Variants in KIRREL3 observed in about 807,000 individuals in gnomAD.
The protein encoded by KIRREL3 is kin of IRRE-like protein 3.
In KIRREL3, 36 loss-of-function variants were observed where a neutral mutation model predicts 89.7. The observed-to-expected ratio is 0.40, with a 90% CI of 0.31 to 0.53. The LOEUF (loss-of-function observed/expected upper bound fraction) is 0.53. Among genes scored for constraint, KIRREL3 ranks in the 20% least tolerant of loss-of-function variants. The pLI is 0.49. For synonymous variants in KIRREL3, 445 were observed against 441.4 expected (o/e 1.01, Z -0.10); for missense variants, 864 against 1,056.6 (o/e 0.82, Z 2.53).
In KIRREL3 at chr11:126,565,793, G is replaced by A. The variant is rs1364727030; in HGVS notation, c.56-2881C>T. 6.6e-6 allele frequency among the ~76,000 whole-genome samples: 1 copy of A among 152,156 alleles called. No individual in the cohort carries two copies. The highest frequency in any genetic ancestry group is 1.9e-4 in the East Asian group (1 of 5,192). ...GGATGCTGGAAACCCAAGTGGGGAG[G>A]TGAATATTGTCCAAGCTACTAACCA... is the stretch of plus-strand genomic sequence containing the variant. On this transcript the variant is annotated intron_variant, in intron 1 of 16. Coordinates refer to ENST00000525144, the MANE Select transcript of KIRREL3 (RefSeq NM_032531.4). This position sits in a 1 kb window ranked among gnomAD's most constrained non-coding sequence, Gnocchi z 5.4.
rs1479364649 is a variant in KIRREL3, at chr11:126,955,502, G to T, written c.55+44953C>A. On this transcript the variant is annotated intron_variant, in intron 1 of 16. Coordinates refer to ENST00000525144, the MANE Select transcript of KIRREL3 (RefSeq NM_032531.4). This position sits in a 1 kb window ranked among gnomAD's most constrained non-coding sequence, Gnocchi z 4.6. Reference sequence around the variant, plus strand: ...CCTTCCCTGCATGGCAAGGCACGAAGGTGGTCTGATGTGGATTCCAGGGTG... The same window carrying T: ...CCTTCCCTGCATGGCAAGGCACGAATGTGGTCTGATGTGGATTCCAGGGTG... 6.6e-6 allele frequency among the ~76,000 whole-genome samples: 1 copy of T among 152,190 alleles called. No individual in the cohort carries two copies. The highest frequency in any genetic ancestry group is 2.4e-5 in the African/African-American group (1 of 41,444).
intron 11 of KIRREL3, chr11:126,440,119 A>G: frequency 1.9e-6 from 1 of 539,504 alleles, no homozygotes; most frequent in East Asian, 4.1e-5. Flanking sequence ...ACTGGCCTGG[A>G]GCCCAGGAAG....
At chr11:126,542,676 AG>A (rs1938462941) in intron 2 of KIRREL3, among the ~76,000 whole-genome samples, 1 of 152,066 alleles carries the variant, frequency 6.6e-6, no homozygotes, top group Non-Finnish European at 1.5e-5. Flanking sequence ...CTAGGAAGGG[AG>A]GGGGATATTA....
chr11:126,496,936 TGGA>T lies in KIRREL3; in HGVS notation c.434-23473_434-23471del, dbSNP rs1039659214. On this transcript the variant is annotated intron_variant, in intron 4 of 16. Coordinates refer to ENST00000525144, the MANE Select transcript of KIRREL3 (RefSeq NM_032531.4). The surrounding 1 kb of genome is among the most constrained non-coding windows in gnomAD (Gnocchi z 4.9). ...AATGAGAGTGGGCAGAACTGAGCAATGGAGGAGGAGGCCCACCCTTGCTGTAGG... is the reference window on the plus strand; with the variant it reads ...AATGAGAGTGGGCAGAACTGAGCAATGGAGGAGGCCCACCCTTGCTGTAGG... 6.6e-6 allele frequency among the ~76,000 whole-genome samples: 1 copy of T among 151,972 alleles called. No individual in the cohort carries two copies. The highest frequency in any genetic ancestry group is 2.4e-5 in the African/African-American group (1 of 41,358).
In KIRREL3 at chr11:126,807,674, A is replaced by C. The variant is rs1951246298; in HGVS notation, c.55+192781T>G. Among the ~76,000 whole-genome samples the C allele has an allele frequency of 6.6e-6, 1 of 151,806 alleles. No homozygotes were observed. Among genetic ancestry groups the C allele is most frequent in the African/African-American group, 2.4e-5 (1 of 41,312 alleles). On this transcript the variant is annotated intron_variant, in intron 1 of 16. Transcript: ENST00000525144. This position sits in a 1 kb window ranked among gnomAD's most constrained non-coding sequence, Gnocchi z 4.3. ...TCCTGCCTGGAGTGCTTTTCCCCTTACCATTCACCTGGATTTTGAAAAATC... is the reference window on the plus strand; with the variant it reads ...TCCTGCCTGGAGTGCTTTTCCCCTTCCCATTCACCTGGATTTTGAAAAATC...
chr11:126,475,555 C>T lies in KIRREL3; in HGVS notation c.434-2089G>A, dbSNP rs150642144. Among the ~76,000 whole-genome samples, 18 of 150,072 alleles carry T rather than the reference C, an allele frequency of 1.2e-4. No individual in the cohort carries two copies. Among genetic ancestry groups the T allele is most frequent in the East Asian group, 9.9e-4 (5 of 5,038 alleles). On this transcript the variant is annotated intron_variant, in intron 4 of 16. Coordinates refer to ENST00000525144, the MANE Select transcript of KIRREL3 (RefSeq NM_032531.4). This position sits in a 1 kb window ranked among gnomAD's most constrained non-coding sequence, Gnocchi z 7.5. The stretch of plus-strand genomic sequence containing the variant: ...AAGCCATCACTGACCCCAGGGGCAG[C>T]GAGCCCCGGACTCCACCGAGATCCT...
In KIRREL3 at chr11:126,555,401, G is replaced by A. The variant is rs1174842471; in HGVS notation, c.133+7434C>T. On this transcript the variant is annotated intron_variant, in intron 2 of 16. Coordinates refer to ENST00000525144, the MANE Select transcript of KIRREL3 (RefSeq NM_032531.4). This position sits in a 1 kb window ranked among gnomAD's most constrained non-coding sequence, Gnocchi z 4.2. ...ATGTACAAACTGAACTCAGAGCTCT[G>A]AAAGGAAGGATCTGGTTCTACGGGA... is the stretch of plus-strand genomic sequence containing the variant. Among the ~76,000 whole-genome samples the A allele has an allele frequency of 1.3e-5, 2 of 152,226 alleles. No individual in the cohort carries two copies. The highest frequency in any genetic ancestry group is 1.5e-5 in the Non-Finnish European group (1 of 68,040).
chr11:126,556,622 T>A (rs1028591385), intron 2 of KIRREL3, among the ~76,000 whole-genome samples: 5 of 152,106 alleles, frequency 3.3e-5, no homozygotes, highest in Admixed American at 6.5e-5. Context: ...GAATGAAACC[T>A]TGTTTTGGTG....
chr11:126,957,224 T>G (rs1225564505), intron 1 of KIRREL3, among the ~76,000 whole-genome samples: 1 of 152,202 alleles, frequency 6.6e-6, no homozygotes. Context: ...CTTCTTCCTC[T>G]GACTCTCTGG....
In KIRREL3 at chr11:126,782,996, A is replaced by G. The variant is rs1282109721; in HGVS notation, c.55+217459T>C. On this transcript the variant is annotated intron_variant, in intron 1 of 16. Coordinates refer to ENST00000525144, the MANE Select transcript of KIRREL3 (RefSeq NM_032531.4). The surrounding 1 kb of genome is among the most constrained non-coding windows in gnomAD (Gnocchi z 4.1). ...GGAAATACACAAGATGAACTGGAGC[A>G]TCTTGTAGTGCCAGAAAATAAGGAA... Among the ~76,000 whole-genome samples, 3 of 152,224 alleles carry G rather than the reference A, an allele frequency of 2.0e-5. No individual in the cohort carries two copies. The highest frequency in any genetic ancestry group is 4.4e-5 in the Non-Finnish European group (3 of 68,034).
rs1428259844 is a variant in KIRREL3, at chr11:126,587,680, A to C, written c.56-24768T>G. ...ACTGTAATCTGGGAGATATTCATTTAACATATTTCTGTCTCTGAATGGCTT... is the reference window on the plus strand; with the variant it reads ...ACTGTAATCTGGGAGATATTCATTTCACATATTTCTGTCTCTGAATGGCTT... On this transcript the variant is annotated intron_variant, in intron 1 of 16. Transcript: ENST00000525144. This position sits in a 1 kb window ranked among gnomAD's most constrained non-coding sequence, Gnocchi z 5.2. Among the ~76,000 whole-genome samples, 2 of 152,238 alleles carry C rather than the reference A, an allele frequency of 1.3e-5. No homozygotes were observed. Among genetic ancestry groups the C allele is most frequent in the Non-Finnish European group, 2.9e-5 (2 of 68,048 alleles).
In KIRREL3 at chr11:126,605,983, T is replaced by G. The variant is rs1189820166; in HGVS notation, c.56-43071A>C. On this transcript the variant is annotated intron_variant, in intron 1 of 16. Transcript: ENST00000525144. The surrounding 1 kb of genome is among the most constrained non-coding windows in gnomAD (Gnocchi z 5.7). The stretch of plus-strand genomic sequence containing the variant: ...TTTGGCAGGGAGCAGTGAGCCATAG[T>G]GTGGTCCAGAGGGACGCAGGCCATC... Among the ~76,000 whole-genome samples, 1 of 152,172 alleles carries G rather than the reference T, an allele frequency of 6.6e-6. No homozygotes were observed. Among genetic ancestry groups the G allele is most frequent in the African/African-American group, 2.4e-5 (1 of 41,446 alleles).
At chr11:126,661,244 G>T (rs900850226) in intron 1 of KIRREL3, among the ~76,000 whole-genome samples, 1 of 149,618 alleles carries the variant, frequency 6.7e-6, no homozygotes, top group African/African-American at 2.5e-5. Flanking sequence ...CTAGCAGAGG[G>T]TCATGCCTCA....
Position 126,520,527 on chromosome 11 carries a change from T to C in KIRREL3, c.433+788A>G, listed in dbSNP as rs150150434. On this transcript the variant is annotated intron_variant, in intron 4 of 16. Transcript: ENST00000525144. This position sits in a 1 kb window ranked among gnomAD's most constrained non-coding sequence, Gnocchi z 4.9. ...GGTGAACTGCTTGGCAAATGTGAGC[T>C]CTCATGACTTATGTGCAAGGCCTGG... Among the ~76,000 whole-genome samples the C allele has an allele frequency of 9.2e-5, 14 of 152,198 alleles. No individual in the cohort carries two copies. Among genetic ancestry groups the C allele is most frequent in the African/African-American group, 3.4e-4 (14 of 41,522 alleles).
chr11:126,866,658 C>CG (rs1944935673), intron 1 of KIRREL3, among the ~76,000 whole-genome samples: 1 of 151,736 alleles, frequency 6.6e-6, no homozygotes, highest in Non-Finnish European at 1.5e-5. Context: ...TGCCCCCCCA[C>CG]ACACACTGAC....
At position 126,645,118 on chromosome 11, in the gene KIRREL3, G is replaced by A. The variant is rs1031896224; in HGVS notation, c.56-82206C>T. On this transcript the variant is annotated intron_variant, in intron 1 of 16. Coordinates refer to ENST00000525144, the MANE Select transcript of KIRREL3 (RefSeq NM_032531.4). The surrounding 1 kb of genome is among the most constrained non-coding windows in gnomAD (Gnocchi z 4.9). ...GAACACAGCATATTCTGAATATATC[G>A]CAAGAGGGGTGCAGACTGGGCGTTA... 5.3e-5 allele frequency among the ~76,000 whole-genome samples: 8 copies of A among 152,188 alleles called. No homozygotes were observed. The highest frequency in any genetic ancestry group is 1.0e-4 in the Non-Finnish European group (7 of 68,042).
chr11:126,427,130 T>C lies in KIRREL3; in HGVS notation c.1807-1406A>G, dbSNP rs1157679131. ...AGAATGTTTGCCGATGGGAGAGAAT[T>C]CAAGGTCCCGTTTGGGATGAAGGAC... On this transcript the variant is annotated intron_variant, in intron 15 of 16. Coordinates refer to ENST00000525144, the MANE Select transcript of KIRREL3 (RefSeq NM_032531.4). This position sits in a 1 kb window ranked among gnomAD's most constrained non-coding sequence, Gnocchi z 5.3. Among the ~76,000 whole-genome samples the C allele has an allele frequency of 6.6e-6, 1 of 152,150 alleles. No individual in the cohort carries two copies. Among genetic ancestry groups the C allele is most frequent in the East Asian group, 1.9e-4 (1 of 5,196 alleles).
Position 126,430,918 on chromosome 11 carries a change from T to C in KIRREL3, c.1696+501A>G, listed in dbSNP as rs541680743. ...AGCGTGCACAAACACTAGAATTTTA[T>C]TGGTAATCACTGAAGACCTTTAAAA... On this transcript the variant is annotated intron_variant, in intron 14 of 16. Coordinates refer to ENST00000525144, the MANE Select transcript of KIRREL3 (RefSeq NM_032531.4). The surrounding 1 kb of genome is among the most constrained non-coding windows in gnomAD (Gnocchi z 6.6). 1 of 959,038 alleles carries C rather than the reference T, an allele frequency of 1.0e-6. No individual in the cohort carries two copies. Among genetic ancestry groups the C allele is most frequent in the African/African-American group, 1.8e-5 (1 of 57,100 alleles). The allele number at this position is 959,038 out of a possible 1,614,324, so 59.4% of individuals were successfully genotyped here.
rs1027457882 is a variant in KIRREL3, at chr11:126,485,488, T to G, written c.434-12022A>C. Among the ~76,000 whole-genome samples, 1 of 152,170 alleles carries G rather than the reference T, an allele frequency of 6.6e-6. No individual in the cohort carries two copies. The highest frequency in any genetic ancestry group is 1.5e-5 in the Non-Finnish European group (1 of 68,036). ...ACTGGCCACGTGACCATGTGCAAAT[T>G]CTCTGTGCTGGATGATGTTAATGTC... On this transcript the variant is annotated intron_variant, in intron 4 of 16. Coordinates refer to ENST00000525144, the MANE Select transcript of KIRREL3 (RefSeq NM_032531.4). The surrounding 1 kb of genome is among the most constrained non-coding windows in gnomAD (Gnocchi z 5.8).
Sources: allele counts gnomAD v4.1 joint callset (sites outside exome capture counted in the v4.1 genomes callset), GRCh38; gene constraint gnomAD v4.1.1; non-coding constraint Gnocchi (gnomAD v3.1); transcripts MANE v1.5; gene names NCBI Gene and HGNC (gene_info 2026-07-23, HGNC 2026-07-21).